SAP30L: variants seen among roughly 807,000 people sequenced by gnomAD.
The protein encoded by SAP30L is histone deacetylase complex subunit SAP30L.
Under a neutral mutation model 22.3 loss-of-function variants are expected in SAP30L, and 10 were observed. The observed-to-expected ratio is 0.45, with a 90% CI of 0.28 to 0.76. The LOEUF (loss-of-function observed/expected upper bound fraction) is 0.76, where lower values mean the gene tolerates loss of function less well. SAP30L is among the 30% of genes least tolerant of loss of function. SAP30L has a pLI of 0.14. For synonymous variants in SAP30L, 91 were observed against 94.1 expected, an observed-to-expected ratio of 0.97 and a Z score of 0.19; for missense variants, 206 against 237.9, an observed-to-expected ratio of 0.87 and a Z score of 0.88.
intron 3 of SAP30L, among the ~76,000 whole-genome samples, chr5:154,454,341 T>C (rs1398120100): frequency 6.6e-6 from 1 of 152,206 alleles, no homozygotes; most frequent in East Asian, 1.9e-4. Context: ...TTAAAATACA[T>C]GAACTGCCTG....
chr5:154,452,743 A>AGCTCTTCCCACT (rs1554104500), intron 2 of SAP30L, among the ~76,000 whole-genome samples: 9 of 151,710 alleles, frequency 5.9e-5, no homozygotes, highest in African/African-American at 2.2e-4. Context: ...TGAGGATAAC[A>AGCTCTTCCCACT]GCCCTCCTTT....
chr5:154,451,337 A>C, intron 2 of SAP30L, 124 bp downstream of exon 2: 4 of 1,029,106 alleles, frequency 3.9e-6, no homozygotes, highest in Non-Finnish European at 5.6e-6. Context: ...GCTGTGGATT[A>C]TTTGAAAAGT....
chr5:154,446,331 A>T lies in SAP30L; in HGVS notation c.-274A>T, dbSNP rs1238222233. On this transcript the variant is annotated 5_prime_UTR_variant, in exon 1 of 4. Transcript: ENST00000297109. ...AGGGTTACGGTTCTGGGCCCCCGGCAGAAGGCTCCTCCGGGTGACCCCCGG... is the reference window on the plus strand; with the variant it reads ...AGGGTTACGGTTCTGGGCCCCCGGCTGAAGGCTCCTCCGGGTGACCCCCGG... The T allele has an allele frequency of 2.9e-6, 1 of 349,080 alleles. No homozygotes were observed. Among genetic ancestry groups the T allele is most frequent in the Non-Finnish European group, 5.1e-6 (1 of 194,524 alleles). The allele number at this position is 349,080 out of a possible 1,614,324, so 21.6% of individuals were successfully genotyped here. A position where few individuals can be genotyped will look rare whatever the true frequency, so the allele number is the denominator to read the frequency against.
chr5:154,455,274 G>A (rs895137932), intron 3 of SAP30L, among the ~76,000 whole-genome samples: 1 of 152,120 alleles, frequency 6.6e-6, no homozygotes, highest in Admixed American at 6.5e-5. Context: ...CTAGGCTGGG[G>A]TGCAGTCACA....
In SAP30L at chr5:154,446,026, C is replaced by G. The variant is rs1045253689; in HGVS notation, c.-579C>G. ...TGCGGAGCGTTCGGCGGGCGGCGGC[C>G]GGGCGGCCCAGGGGCTGCCGCGGGA... On this transcript the variant is annotated 5_prime_UTR_variant, in exon 1 of 4. Coordinates refer to ENST00000297109, the MANE Select transcript of SAP30L (RefSeq NM_024632.6). The G allele has an allele frequency of 9.8e-5, 15 of 152,738 alleles. No homozygotes were observed. The highest frequency in any genetic ancestry group is 7.2e-4 in the Admixed American group (11 of 15,256). 9.5% of individuals were successfully genotyped at this position (152,738 alleles called of 1,614,324 possible).
Position 154,459,097 on chromosome 5 carries a change from G to A in SAP30L, c.*3069G>A, listed in dbSNP as rs1313932917. The A allele has an allele frequency of 6.6e-6, 1 of 152,254 alleles. No individual in the cohort carries two copies. Among genetic ancestry groups the A allele is most frequent in the Non-Finnish European group, 1.5e-5 (1 of 68,048 alleles). The allele number at this position is 152,254 out of a possible 1,614,324, so 9.4% of individuals were successfully genotyped here. On this transcript the variant is annotated 3_prime_UTR_variant, in exon 4 of 4. Coordinates refer to ENST00000297109, the MANE Select transcript of SAP30L (RefSeq NM_024632.6). ...ATCCTGCAGGGCAACTGCCTGTTGG[G>A]AGGGAGAGGATGGAAGAAGGAGCTT...
At chr5:154,454,520 T>C (rs1472281519) in intron 3 of SAP30L, among the ~76,000 whole-genome samples, 2 of 152,260 alleles carry the variant, frequency 1.3e-5, no homozygotes, top group African/African-American at 4.8e-5. Context: ...TTTTTTTATC[T>C]GTTTCAGCCA....
rs752254488 is a variant in SAP30L, at chr5:154,446,633, G to T, written c.29G>T (p.Ser10Ile). MNGFSTEED[S>I]REGPPAAPAA... Reference sequence around the variant, plus strand: ...AACGGCTTCAGCACGGAGGAGGACAGCCGCGAAGGGCCCCCCGCCGCCCCA... The same window carrying T: ...AACGGCTTCAGCACGGAGGAGGACATCCGCGAAGGGCCCCCCGCCGCCCCA... Residue 10 changes from serine (S) to isoleucine (I), a missense_variant, in exon 1 of 4, where the codon AGC (serine) becomes ATC (isoleucine). By Grantham distance (142) the Ser-to-Ile change is moderately radical (BLOSUM62 -2). Around this residue, in one of 2 missense-constraint regions of SAP30L, gnomAD observed 70 missense variants for 50.5 expected, o/e 1.39. Coordinates refer to ENST00000297109, the MANE Select transcript of SAP30L (RefSeq NM_024632.6). 2.6e-6 allele frequency: 4 copies of T among 1,525,794 alleles called. No homozygotes were observed. The highest frequency in any genetic ancestry group is 2.5e-5 in the South Asian group (2 of 81,300). The allele number at this position is 1,525,794 out of a possible 1,614,324, so 94.5% of individuals were successfully genotyped here.
chr5:154,448,373 T>G (rs1212303574), intron 1 of SAP30L, among the ~76,000 whole-genome samples: 1 of 152,188 alleles, frequency 6.6e-6, no homozygotes, highest in Non-Finnish European at 1.5e-5. Flanking sequence ...TATTTTTAAG[T>G]GGTTGGGAGA....
At position 154,457,123 on chromosome 5, in the gene SAP30L, AT is replaced by A. The variant is rs1757278673; in HGVS notation, c.*1098del. On this transcript the variant is annotated 3_prime_UTR_variant, in exon 4 of 4. Coordinates refer to ENST00000297109, the MANE Select transcript of SAP30L (RefSeq NM_024632.6). ...CATCTGATGCTCATTTTTGTGAACAATTTGCCTCCCTCTTAGGGAGAAAGAT... is the reference window on the plus strand; with the variant it reads ...CATCTGATGCTCATTTTTGTGAACAATTGCCTCCCTCTTAGGGAGAAAGAT... 2 of 152,212 alleles carry A rather than the reference AT, an allele frequency of 1.3e-5. No homozygotes were observed. The highest frequency in any genetic ancestry group is 2.9e-5 in the Non-Finnish European group (2 of 68,042). The allele number at this position is 152,212 out of a possible 1,614,324, so 9.4% of individuals were successfully genotyped here.
chr5:154,446,930 C>A, intron 1 of SAP30L, 125 bp downstream of exon 1: 1 of 720,528 alleles, frequency 1.4e-6, no homozygotes, highest in Non-Finnish European at 2.2e-6. Flanking sequence ...CTCTGCAGAA[C>A]TGAGTTGGAC....
At position 154,456,273 on chromosome 5, in the gene SAP30L, A is replaced by G. The variant is rs1468110738; in HGVS notation, c.*245A>G. The G allele has an allele frequency of 3.2e-6, 1 of 308,010 alleles. No homozygotes were observed. The allele number at this position is 308,010 out of a possible 1,614,324, so 19.1% of individuals were successfully genotyped here. ...TCATTAAAAGAATTAAAAACTATGT[A>G]TTTCAGCATTCAACAAAGCATTAAA... On this transcript the variant is annotated 3_prime_UTR_variant, in exon 4 of 4. Transcript: ENST00000297109.
intron 3 of SAP30L, 36 bp from the exon 4 acceptor site, chr5:154,455,864 T>C: frequency 6.3e-7 from 1 of 1,582,464 alleles, no homozygotes; most frequent in Admixed American, 1.9e-5. Context: ...GATTTGTGCA[T>C]GGTTTAAGGA....
chr5:154,448,650 C>G (rs1468565959), intron 1 of SAP30L, among the ~76,000 whole-genome samples: 2 of 152,200 alleles, frequency 1.3e-5, no homozygotes, highest in African/African-American at 4.8e-5. Context: ...GGATGCCTTC[C>G]CATCTGAATG....
rs886261434 is a variant in SAP30L, at chr5:154,446,328, G to A, written c.-277G>A. The A allele has an allele frequency of 5.7e-6, 2 of 351,380 alleles. No homozygotes were observed. The highest frequency in any genetic ancestry group is 1.0e-5 in the Non-Finnish European group (2 of 196,042). The allele number at this position is 351,380 out of a possible 1,614,324, so 21.8% of individuals were successfully genotyped here. A position where few individuals can be genotyped will look rare whatever the true frequency, so the allele number is the denominator to read the frequency against. ...TGCAGGGTTACGGTTCTGGGCCCCCGGCAGAAGGCTCCTCCGGGTGACCCC... is the reference window on the plus strand; with the variant it reads ...TGCAGGGTTACGGTTCTGGGCCCCCAGCAGAAGGCTCCTCCGGGTGACCCC... On this transcript the variant is annotated 5_prime_UTR_variant, in exon 1 of 4. Transcript: ENST00000297109.
chr5:154,456,067 G>GC lies in SAP30L; in HGVS notation c.*39_*40insC, dbSNP rs1757258356. 3 of 1,599,006 alleles carry GC rather than the reference G, an allele frequency of 1.9e-6. No individual in the cohort carries two copies. Among genetic ancestry groups the GC allele is most frequent in the Non-Finnish European group, 2.6e-6 (3 of 1,172,884 alleles). On this transcript the variant is annotated 3_prime_UTR_variant, in exon 4 of 4. Coordinates refer to ENST00000297109, the MANE Select transcript of SAP30L (RefSeq NM_024632.6). ...CTTAAAGGAATGAAGTGTAATGCTT[G>GC]ATGCACAGGTGATATCTACTACATT...
chr5:154,447,722 G>A (rs995002415), intron 1 of SAP30L, among the ~76,000 whole-genome samples: 2 of 152,288 alleles, frequency 1.3e-5, no homozygotes, highest in South Asian at 4.1e-4. Flanking sequence ...TTTCTCCACA[G>A]TTGGAGGAAA....
At chr5:154,453,630 T>TA in intron 3 of SAP30L, 130 bp downstream of exon 3, 1 of 669,978 alleles carries the variant, frequency 1.5e-6, no homozygotes, top group East Asian at 2.7e-5. Context: ...AACTCTGTAT[T>TA]CCTCTTTGGC....
chr5:154,448,311 AT>A (rs1356583086), intron 1 of SAP30L, among the ~76,000 whole-genome samples: 4 of 151,946 alleles, frequency 2.6e-5, no homozygotes, highest in African/African-American at 7.3e-5. Flanking sequence ...TCCTACCCCC[AT>A]TTTTAAGTTA....
Sources: gnomAD v4.1 joint callset for allele counts (sites outside exome capture counted in the v4.1 genomes callset) on GRCh38, gnomAD v4.1.1 for gene constraint, gnomAD v4.1.1 regional missense constraint, MANE v1.5 for transcripts, NCBI Gene and HGNC (gene_info 2026-07-23, HGNC 2026-07-21) for gene names.